The following PHTF1 variants were observed in gnomAD, a reference collection of about 807,000 sequenced individuals.
The protein encoded by PHTF1 is putative homeodomain transcription factor 1, also known as protein PHTF1.
Under a neutral mutation model 102.4 loss-of-function variants are expected in PHTF1, and 88 were observed. The observed-to-expected ratio is 0.86, with a 90% CI of 0.72 to 1.03. The LOEUF (loss-of-function observed/expected upper bound fraction) is 1.03. Among genes scored for constraint, PHTF1 ranks in the 50% least tolerant of loss-of-function variants. The pLI is 0.00. For synonymous variants in PHTF1, 289 were observed against 305.2 expected, an observed-to-expected ratio of 0.95 and a Z score of 0.55; for missense variants, 814 against 909.5, an observed-to-expected ratio of 0.89 and a Z score of 1.35.
At chr1:113,698,746 C>T in intron 17 of PHTF1, 1 of 223,620 alleles carries the variant, frequency 4.5e-6, no homozygotes, top group South Asian at 6.5e-5. Flanking sequence ...TAGTTATTAA[C>T]CCAAAACCAT....
At chr1:113,723,125 A>G (rs1357228055) in intron 7 of PHTF1, among the ~76,000 whole-genome samples, 2 of 151,844 alleles carry the variant, frequency 1.3e-5, no homozygotes, top group East Asian at 1.9e-4. Flanking sequence ...ACATCGGCCA[A>G]TGGAACAGAA....
intron 5 of PHTF1, among the ~76,000 whole-genome samples, chr1:113,731,174 T>C (rs1233004573): frequency 2.6e-5 from 4 of 152,118 alleles, no homozygotes; most frequent in Non-Finnish European, 5.9e-5. Context: ...ATGTTGTGTA[T>C]ATGTTACCAC....
At chr1:113,720,999 G>T (rs1016617959) in intron 7 of PHTF1, among the ~76,000 whole-genome samples, 8 of 152,172 alleles carry the variant, frequency 5.3e-5, no homozygotes, top group Non-Finnish European at 1.0e-4. Context: ...CCAGCTACAT[G>T]GGGGACTCAC....
At chr1:113,701,826 T>TTAAAAAAAAAAAAAAAAAA (rs1649470326) in intron 15 of PHTF1, among the ~76,000 whole-genome samples, 1 of 27,986 alleles carries the variant, frequency 3.6e-5, no homozygotes, top group Non-Finnish European at 6.6e-5. Context: ...CAATTCCTGG[T>TTAAAAAAAAAAAAAAAAAA]AAAAAAAAAA....
chr1:113,713,113 C>A lies in PHTF1; in HGVS notation c.783+166G>T, dbSNP rs142914153. On this transcript the variant is annotated intron_variant, in intron 8 of 18. Coordinates refer to ENST00000369604, the MANE Select transcript of PHTF1 (RefSeq NM_001323043.2). ...AAGTCCAGTACTATAAATTTTAAGA[C>A]TAAGTTCCAGTCTTCATGTGGTATC... is the stretch of plus-strand genomic sequence containing the variant. Among the ~76,000 whole-genome samples the A allele has an allele frequency of 3.1e-4, 47 of 152,296 alleles. No homozygotes were observed. In the East Asian group the frequency reaches 8.5e-3, roughly 28 times the overall value.
rs774522219 is a variant in PHTF1 at position 113,752,385 on chromosome 1, A to ATTTTTTT, written c.102+5307_102+5313dup. On this transcript the variant is annotated intron_variant, in intron 3 of 18. Coordinates refer to ENST00000369604, the MANE Select transcript of PHTF1 (RefSeq NM_001323043.2). ...CTTGCCACATTCATTTGTTACTGTA[A>ATTTTTTT]TTTTTTTTTTTTTTTTTTTTTTTTT... Among the ~76,000 whole-genome samples, 20 of 47,894 alleles carry ATTTTTTT rather than the reference A, an allele frequency of 4.2e-4. 2 individuals carry two copies. The highest frequency in any genetic ancestry group is 5.7e-4 in the Admixed American group (2 of 3,500). The allele number at this position is 47,894 out of a possible 152,430, so 31.4% of individuals were successfully genotyped here. A position where few individuals can be genotyped will look rare whatever the true frequency, so the allele number is the denominator to read the frequency against.
chr1:113,714,025 A>C (rs1156283649), intron 7 of PHTF1: 1 of 152,696 alleles, frequency 6.5e-6, no homozygotes, highest in Non-Finnish European at 1.5e-5. Flanking sequence ...ACCTTGGACC[A>C]AAATGCAACC....
At chr1:113,709,999 C>T (rs1269638347) in intron 11 of PHTF1, among the ~76,000 whole-genome samples, 2 of 152,020 alleles carry the variant, frequency 1.3e-5, no homozygotes, top group Non-Finnish European at 2.9e-5. Flanking sequence ...ACATAAAGGA[C>T]CATTCTAAGG....
chr1:113,747,040 C>G (rs1657350649), intron 3 of PHTF1: 1 of 152,306 alleles, frequency 6.6e-6, no homozygotes, highest in Admixed American at 6.6e-5. Flanking sequence ...GATAATAGCA[C>G]ATACCTCATA....
chr1:113,728,802 G>A (rs1007542259), intron 5 of PHTF1, among the ~76,000 whole-genome samples: 1 of 152,156 alleles, frequency 6.6e-6, no homozygotes, highest in Non-Finnish European at 1.5e-5. Context: ...CCAGCTACTT[G>A]GGAGGCTGAG....
intron 3 of PHTF1, among the ~76,000 whole-genome samples, chr1:113,752,220 T>C (rs1227416820): frequency 6.6e-6 from 1 of 152,086 alleles, no homozygotes; most frequent in East Asian, 1.9e-4. Flanking sequence ...GTATGAATCT[T>C]ACACTTTTTA....
At position 113,746,411 on chromosome 1, in the gene PHTF1, G is replaced by A. The variant is rs938925971; in HGVS notation, c.103-7612C>T. Among the ~76,000 whole-genome samples the A allele has an allele frequency of 3.3e-5, 5 of 152,172 alleles. No homozygotes were observed. The East Asian group carries it at 9.6e-4, about 29-fold the overall frequency. ...ATTCCACTGGCCAAGCAAATCCCCTGACTAAGGTGGAAGTCTGTGGGGCCA... is the reference window on the plus strand; with the variant it reads ...ATTCCACTGGCCAAGCAAATCCCCTAACTAAGGTGGAAGTCTGTGGGGCCA... On this transcript the variant is annotated intron_variant, in intron 3 of 18. Transcript: ENST00000369604.
intron 5 of PHTF1, among the ~76,000 whole-genome samples, chr1:113,735,128 G>A (rs1655269589): frequency 1.3e-5 from 2 of 151,892 alleles, no homozygotes; most frequent in South Asian, 4.1e-4. Flanking sequence ...AACTCTGGGA[G>A]GCTGAAGCAG....
chr1:113,713,282 A>G lies in PHTF1; in HGVS notation c.780T>C (p.Arg260=), dbSNP rs757717211. 1.9e-6 allele frequency: 3 copies of G among 1,613,140 alleles called. No homozygotes were observed. Among genetic ancestry groups the G allele is most frequent in the Non-Finnish European group, 2.5e-6 (3 of 1,179,434 alleles). ...GTTAAATCCATCTAAATCTTACCCT[A>G]CGGCACTTTTCTCCATCTGAAAATT... ...KAKFSDGEKC[R]REAFRRLGNG... Residue 260 remains arginine (R), a synonymous_variant, in exon 8 of 19, where the codon CGT becomes CGC. Coordinates refer to ENST00000369604, the MANE Select transcript of PHTF1 (RefSeq NM_001323043.2).
intron 3 of PHTF1, among the ~76,000 whole-genome samples, chr1:113,748,949 G>A (rs1657619600): frequency 6.6e-6 from 1 of 152,110 alleles, no homozygotes; most frequent in African/African-American, 2.4e-5. Flanking sequence ...TGTATTCAGT[G>A]TGTACAACAT....
intron 7 of PHTF1, 115 bp downstream of exon 7, chr1:113,724,644 T>G: frequency 8.7e-6 from 6 of 686,494 alleles, no homozygotes; most frequent in Non-Finnish European, 1.3e-5. Flanking sequence ...AGCCCTCTGA[T>G]AACCCTTAAA....
At chr1:113,726,324 A>T in intron 6 of PHTF1, 94 bp downstream of exon 6, 1 of 983,166 alleles carries the variant, frequency 1.0e-6, no homozygotes, top group South Asian at 1.5e-5. Context: ...GAAAAACACA[A>T]AAGAGGGAGA....
chr1:113,713,966 C>T (rs961476606), intron 7 of PHTF1: 1 of 153,002 alleles, frequency 6.5e-6, no homozygotes, highest in Non-Finnish European at 1.5e-5. Flanking sequence ...GACCAGAGTC[C>T]TGAGGCCCCC....
At chr1:113,698,634 CACACACACACACACACACACACACAT>C (rs1458090532) in intron 17 of PHTF1, among the ~76,000 whole-genome samples, 16 of 149,736 alleles carry the variant, frequency 1.1e-4, no homozygotes, top group Admixed American at 1.1e-3. Context: ...CACACACACA[CACACACACACACACACACACACACAT>C]ACACACATAT....
Sources: gnomAD v4.1 joint callset for allele counts (sites outside exome capture counted in the v4.1 genomes callset) on GRCh38, gnomAD v4.1.1 for gene constraint, MANE v1.5 for transcripts, NCBI Gene and HGNC (gene_info 2026-07-23, HGNC 2026-07-21) for gene names.